Variants in TLE4 observed in about 807,000 individuals in gnomAD.
The protein encoded by TLE4 is TLE family member 4, transcriptional corepressor.
TLE4 carries 8 observed loss-of-function variants against 92.8 expected under a neutral mutation model. The ratio of observed to expected loss-of-function variants is 0.09; its 90% CI spans 0.05 to 0.16. TLE4 has a LOEUF of 0.16. TLE4 is among the 10% of genes least tolerant of loss of function. TLE4 has a pLI of 1.00. For missense variants in TLE4, 675 were observed against 997.6 expected, an observed-to-expected ratio of 0.68 and a Z score of 4.36; for synonymous variants, 371 against 374.1, an observed-to-expected ratio of 0.99 and a Z score of 0.10.
At chr9:79,678,956 A>T (rs1459354441) in intron 8 of TLE4, among the ~76,000 whole-genome samples, 2 of 152,032 alleles carry the variant, frequency 1.3e-5, no homozygotes, top group Non-Finnish European at 2.9e-5. Context: ...GGAACTCATC[A>T]TTTTTTATGG....
At chr9:79,589,353 G>T (rs1253392375) in intron 4 of TLE4, among the ~76,000 whole-genome samples, 1 of 151,840 alleles carries the variant, frequency 6.6e-6, no homozygotes, top group Non-Finnish European at 1.5e-5. Context: ...TAAGCAGAGT[G>T]GGGTTGGTGG....
Position 79,612,277 on chromosome 9 carries a change from A to G in TLE4, c.253-379A>G, listed in dbSNP as rs113342979. On this transcript the variant is annotated intron_variant, in intron 4 of 19. Transcript: ENST00000376552. The stretch of plus-strand genomic sequence containing the variant: ...TGATGGAGTTGAGATGTAGGAAAGA[A>G]TGTATCTTTACTTATCTAAATTCTT... Among the ~76,000 whole-genome samples, 403 of 152,240 alleles carry G rather than the reference A, an allele frequency of 2.6e-3. 2 individuals are homozygous for G. The highest frequency in any genetic ancestry group is 9.2e-3 in the African/African-American group (384 of 41,542).
intron 8 of TLE4, chr9:79,671,334 T>A: frequency 2.2e-6 from 1 of 450,482 alleles, no homozygotes; most frequent in South Asian, 1.6e-5. Context: ...TGTGTGCTTC[T>A]ACTGGTAGGA....
At chr9:79,671,483 C>G in intron 8 of TLE4, 1 of 299,862 alleles carries the variant, frequency 3.3e-6, no homozygotes, top group South Asian at 2.8e-5. Flanking sequence ...GTGTTGTAAA[C>G]CATAACAATT....
intron 19 of TLE4, 104 bp from the exon 20 acceptor site, chr9:79,724,933 G>A: frequency 1.6e-6 from 1 of 623,106 alleles, no homozygotes; most frequent in Admixed American, 2.3e-5. Context: ...TGGGCTTTCT[G>A]TTTGGTCAAG....
intron 16 of TLE4, 24 bp downstream of exon 16, chr9:79,720,317 AG>A (rs544037099): frequency 2.0e-5 from 32 of 1,595,212 alleles, no homozygotes; most frequent in Non-Finnish European, 2.5e-5. Flanking sequence ...ATCTGTTACC[AG>A]GTTGTGAGGA....
At chr9:79,672,154 T>C (rs2062503916) in intron 8 of TLE4, among the ~76,000 whole-genome samples, 1 of 151,740 alleles carries the variant, frequency 6.6e-6, no homozygotes, top group African/African-American at 2.4e-5. Context: ...GAATGGAAAT[T>C]CAGCTTGCTC....
At chr9:79,724,734 C>T (rs1258020494) in intron 19 of TLE4, among the ~76,000 whole-genome samples, 1 of 151,530 alleles carries the variant, frequency 6.6e-6, no homozygotes, top group Non-Finnish European at 1.5e-5. Flanking sequence ...GTAGTCCCAG[C>T]ATCTCAGGAG....
chr9:79,588,135 C>CGTGTGTGTGTGTGTGTGT (rs71364418), intron 4 of TLE4, among the ~76,000 whole-genome samples: 7,367 of 146,706 alleles, frequency 0.05, 222 homozygotes, highest in African/African-American at 0.06. Context: ...TTTATCCTTG[C>CGTGTGTGTGTGTGTGTGT]GTGTGTGTGT....
intron 8 of TLE4, among the ~76,000 whole-genome samples, chr9:79,662,494 G>A (rs1367289439): frequency 6.6e-6 from 1 of 151,984 alleles, no homozygotes; most frequent in Non-Finnish European, 1.5e-5. Context: ...TTTTGTGAGC[G>A]ACATTTGGCC....
intron 4 of TLE4, among the ~76,000 whole-genome samples, chr9:79,595,756 T>A (rs1241056309): frequency 2.0e-5 from 3 of 152,072 alleles, no homozygotes; most frequent in African/African-American, 7.2e-5. Context: ...AGCACTGCAG[T>A]TTGTGCTTTG....
In TLE4 at chr9:79,616,856, T is replaced by C. The variant is rs141549323; in HGVS notation, c.315+4138T>C. On this transcript the variant is annotated intron_variant, in intron 5 of 19. Transcript: ENST00000376552. ...GTAAGGGACAGCATTTCTGCTAATT[T>C]AGAATTGGGCTAGCTCTCCCTCTTC... Among the ~76,000 whole-genome samples the C allele has an allele frequency of 1.4e-4, 21 of 152,284 alleles. No homozygotes were observed. The East Asian group carries it at 4.1e-3, about 29-fold the overall frequency.
chr9:79,596,053 A>G (rs950839286), intron 4 of TLE4, among the ~76,000 whole-genome samples: 6 of 151,972 alleles, frequency 3.9e-5, no homozygotes, highest in Admixed American at 1.3e-4. Context: ...TCACCGTGTT[A>G]GCCAGGATGG....
chr9:79,657,397 T>C (rs114023271), intron 8 of TLE4, among the ~76,000 whole-genome samples: 1 of 152,136 alleles, frequency 6.6e-6, no homozygotes, highest in African/African-American at 2.4e-5. Flanking sequence ...CCTAGAAAAG[T>C]CGTAAGTGAC....
At chr9:79,674,208 T>C (rs1186788076) in intron 8 of TLE4, among the ~76,000 whole-genome samples, 1 of 152,208 alleles carries the variant, frequency 6.6e-6, no homozygotes, top group Non-Finnish European at 1.5e-5. Context: ...GCTAGCTTTA[T>C]GACCTTGGAC....
At chr9:79,721,679 TA>T (rs1010120213) in intron 16 of TLE4, 61 bp from the exon 17 acceptor site, 2 of 1,606,422 alleles carry the variant, frequency 1.2e-6, no homozygotes, top group Non-Finnish European at 1.7e-6. Context: ...CAAGGAATTC[TA>T]AATTGATTTT....
intron 10 of TLE4, 55 bp from the exon 11 acceptor site, chr9:79,706,692 C>T (rs2071669734): frequency 6.4e-7 from 1 of 1,570,096 alleles, no homozygotes; most frequent in African/African-American, 1.4e-5. Flanking sequence ...ACCCAACAAC[C>T]CCAGCATTAT....
chr9:79,585,343 C>T (rs1284840278), intron 4 of TLE4, among the ~76,000 whole-genome samples: 2 of 152,180 alleles, frequency 1.3e-5, no homozygotes, highest in Non-Finnish European at 2.9e-5. Context: ...TAAAATAGAT[C>T]TTGGGTTTGA....
intron 4 of TLE4, among the ~76,000 whole-genome samples, chr9:79,593,222 G>A (rs561189230): frequency 3.3e-5 from 5 of 152,030 alleles, no homozygotes; most frequent in South Asian, 2.1e-4. Flanking sequence ...AACGAAAACC[G>A]AAATGTGGTT....
Sources: gnomAD v4.1 joint callset for allele counts (sites outside exome capture counted in the v4.1 genomes callset) on GRCh38, gnomAD v4.1.1 for gene constraint, MANE v1.5 for transcripts, NCBI Gene and HGNC (gene_info 2026-07-23, HGNC 2026-07-21) for gene names.